TTF1: variants seen among roughly 807,000 people sequenced by gnomAD.
TTF1 encodes the protein transcription termination factor, RNA polymerase I.
In TTF1, 64 loss-of-function variants were observed where a neutral mutation model predicts 80.2. The ratio of observed to expected loss-of-function variants is 0.80; its 90% CI spans 0.65 to 0.98. TTF1 has a LOEUF of 0.98. Among genes scored for constraint, TTF1 ranks in the 50% least tolerant of loss-of-function variants. The pLI, the probability that TTF1 is intolerant of heterozygous loss-of-function variation, is 0.00. For missense variants in TTF1, 1,023 were observed against 1,086.2 expected (o/e 0.94, Z 0.82); for synonymous variants, 372 against 382.7 (o/e 0.97, Z 0.33).
chr9:132,406,178 A>G (rs1849862593), intron 1 of TTF1, among the ~76,000 whole-genome samples: 2 of 151,984 alleles, frequency 1.3e-5, no homozygotes, highest in Admixed American at 1.3e-4. Flanking sequence ...TACGTGCCCA[A>G]ACCTGGTCCC....
Position 132,402,843 on chromosome 9 carries a change from GACA to G in TTF1, c.-7-18_-7-16del. The G allele has an allele frequency of 3.2e-6, 5 of 1,552,928 alleles. No individual in the cohort carries two copies. The highest frequency in any genetic ancestry group is 4.3e-6 in the Non-Finnish European group (5 of 1,157,946). On this transcript the variant is annotated splice_polypyrimidine_tract_variant and intron_variant, in intron 1 of 10. Transcript: ENST00000334270. ...CCATTTTATTCCTATATGGAAATGT[GACA>G]ACAATGGTTTATTTTTGCTTTTTTT...
intron 5 of TTF1, among the ~76,000 whole-genome samples, chr9:132,395,187 A>G (rs1432274498): frequency 6.6e-6 from 1 of 152,162 alleles, no homozygotes; most frequent in Admixed American, 6.5e-5. Context: ...CTGAGACTCC[A>G]TTTCAAAAAA....
At chr9:132,387,609 C>T (rs371403950) in intron 8 of TTF1, among the ~76,000 whole-genome samples, 1 of 152,248 alleles carries the variant, frequency 6.6e-6, no homozygotes. Context: ...TCCTGTTCCT[C>T]AGTCGACATG....
chr9:132,386,205 A>T (rs1278813315), intron 9 of TTF1, among the ~76,000 whole-genome samples: 1 of 152,186 alleles, frequency 6.6e-6, no homozygotes, highest in African/African-American at 2.4e-5. Flanking sequence ...CATAGGTATT[A>T]TGCTCTAGCT....
At position 132,388,002 on chromosome 9, in the gene TTF1, T is replaced by G. The variant is rs151218976; in HGVS notation, c.2312+137A>C. The G allele has an allele frequency of 1.5e-4, 91 of 587,446 alleles. No individual in the cohort carries two copies. In the African/African-American group the frequency reaches 1.6e-3, roughly 10 times the overall value. 36.4% of individuals were successfully genotyped at this position (587,446 alleles called of 1,614,324 possible). On this transcript the variant is annotated intron_variant, in intron 8 of 10. Coordinates refer to ENST00000334270, the MANE Select transcript of TTF1 (RefSeq NM_007344.4). ...CTGAGACTTAGAAGGGTAGGTCATA[T>G]GCCCACAATACATGCGGAAAGTGCT...
chr9:132,386,502 T>A (rs1176286651), intron 9 of TTF1, 54 bp downstream of exon 9: 1 of 1,360,230 alleles, frequency 7.4e-7, no homozygotes, highest in Non-Finnish European at 1.0e-6. Context: ...GTTATTGTAT[T>A]TATTAAGTCA....
intron 1 of TTF1, among the ~76,000 whole-genome samples, chr9:132,403,474 C>A (rs1263904153): frequency 2.0e-5 from 3 of 152,014 alleles, no homozygotes; most frequent in Non-Finnish European, 2.9e-5. Flanking sequence ...CTTTCCCCCC[C>A]AGCTCTCCAT....
intron 1 of TTF1, 40 bp from the exon 2 acceptor site, chr9:132,402,868 T>C (rs750862937): frequency 1.3e-6 from 2 of 1,525,932 alleles, no homozygotes; most frequent in South Asian, 1.3e-5. Flanking sequence ...TTTTTGCTTT[T>C]TTTTTGAGAC....
chr9:132,397,713 G>A (rs1004486969), intron 4 of TTF1, among the ~76,000 whole-genome samples: 2 of 152,226 alleles, frequency 1.3e-5, no homozygotes. Flanking sequence ...AGGGCTGGGC[G>A]CGGTGGCTCA....
Position 132,384,211 on chromosome 9 carries a change from A to G in TTF1, c.2378+2345T>C, listed in dbSNP as rs1359584718. Among the ~76,000 whole-genome samples the G allele has an allele frequency of 6.6e-6, 1 of 152,310 alleles. No individual in the cohort carries two copies. Among genetic ancestry groups the G allele is most frequent in the East Asian group, 1.9e-4 (1 of 5,184 alleles). On this transcript the variant is annotated intron_variant, in intron 9 of 10. Coordinates refer to ENST00000334270, the MANE Select transcript of TTF1 (RefSeq NM_007344.4). The surrounding 1 kb of genome is among the most constrained non-coding windows in gnomAD (Gnocchi z 4.1). ...GTATCTGTCTAAAATTTTCCTAATA[A>G]AGTTTCTGAAAAAAATAATTGGGCA... is the stretch of plus-strand genomic sequence containing the variant.
At chr9:132,377,903 AGTGCATGTGTGT>A (rs1849256559) in intron 10 of TTF1, among the ~76,000 whole-genome samples, 2 of 89,904 alleles carry the variant, frequency 2.2e-5, no homozygotes, top group African/African-American at 4.8e-5. Flanking sequence ...ATGTGGTGTG[AGTGCATGTGTGT>A]GTGAGTGCAT....
Position 132,384,226 on chromosome 9 carries a change from AT to A in TTF1, c.2378+2329del, listed in dbSNP as rs543214864. On this transcript the variant is annotated intron_variant, in intron 9 of 10. Coordinates refer to ENST00000334270, the MANE Select transcript of TTF1 (RefSeq NM_007344.4). The surrounding 1 kb of genome is among the most constrained non-coding windows in gnomAD (Gnocchi z 4.1). ...TTTCCTAATAAAGTTTCTGAAAAAAATAATTGGGCATTGCTAATAAAGCAGT... is the reference window on the plus strand; with the variant it reads ...TTTCCTAATAAAGTTTCTGAAAAAAAAATTGGGCATTGCTAATAAAGCAGT... 1.1e-3 allele frequency among the ~76,000 whole-genome samples: 162 copies of A among 152,326 alleles called. 1 individual carries two copies. The highest frequency in any genetic ancestry group is 2.0e-3 in the Non-Finnish European group (136 of 68,042).
chr9:132,394,413 G>A (rs972253856), intron 5 of TTF1, among the ~76,000 whole-genome samples: 2 of 151,926 alleles, frequency 1.3e-5, no homozygotes, highest in Non-Finnish European at 2.9e-5. Flanking sequence ...CCAAGTAGCT[G>A]GGATTATAAG....
In TTF1 at chr9:132,400,229, A is replaced by G. The variant is rs764347084; in HGVS notation, c.1397T>C (p.Val466Ala). Residue 466 changes from valine (V) to alanine (A), a missense_variant, in exon 3 of 11, where the codon GTG (valine) becomes GCG (alanine). Physicochemically the swap from Val to Ala is moderately conservative, Grantham distance 64. Coordinates refer to ENST00000334270, the MANE Select transcript of TTF1 (RefSeq NM_007344.4). ...TATTTCGGAATCTTCAGCTGTTTCC[A>G]CATTGTGTTCTTCATTTGCAGGTTC... ...RLEPANEEHN[V>A]ETAEDSEIRY... 6.2e-7 allele frequency: 1 copy of G among 1,614,180 alleles called. No individual in the cohort carries two copies. Among genetic ancestry groups the G allele is most frequent in the South Asian group, 1.1e-5 (1 of 91,080 alleles).
At chr9:132,376,232 G>A in intron 10 of TTF1, 64 bp from the exon 11 acceptor site, 2 of 1,513,376 alleles carry the variant, frequency 1.3e-6, no homozygotes, top group Non-Finnish European at 1.8e-6. Flanking sequence ...CAAGGTCGAG[G>A]CATACAGGAG....
chr9:132,394,883 A>G (rs1849618401), intron 5 of TTF1, among the ~76,000 whole-genome samples: 1 of 141,420 alleles, frequency 7.1e-6, no homozygotes, highest in Non-Finnish European at 1.5e-5. Context: ...ACAGAGGGAG[A>G]CCCTGTTCCA....
chr9:132,375,965 G>A lies in TTF1; in HGVS notation c.2668C>T (p.His890Tyr). ...CCCAAAGTACTGGAATTACAGGCGT[G>A]AGCCATGCATGGCGCCTGGCCTTCG... ...ESEGQAPCMA[H>Y]ACNSSTLGGQ... The change falls in exon 11 of 11, where the codon CAC becomes TAC. Residue 890 changes from histidine (H) to tyrosine (Y), a missense_variant. Coordinates refer to ENST00000334270, the MANE Select transcript of TTF1 (RefSeq NM_007344.4). 2 of 1,611,708 alleles carry A rather than the reference G, an allele frequency of 1.2e-6. No homozygotes were observed. Among genetic ancestry groups the A allele is most frequent in the South Asian group, 1.1e-5 (1 of 90,898 alleles).
intron 6 of TTF1, 146 bp downstream of exon 6, chr9:132,391,930 A>C (rs547324444): frequency 3.0e-6 from 4 of 1,353,360 alleles, no homozygotes; most frequent in Non-Finnish European, 3.9e-6. Context: ...AAACCAAACA[A>C]ATTAGTATAG....
intron 9 of TTF1, among the ~76,000 whole-genome samples, chr9:132,382,399 G>A (rs1849384315): frequency 6.6e-6 from 1 of 152,176 alleles, no homozygotes; most frequent in East Asian, 1.9e-4. Flanking sequence ...GGCAGATGCT[G>A]CCTTAGCTAA....
Sources: allele counts gnomAD v4.1 joint callset (sites outside exome capture counted in the v4.1 genomes callset), GRCh38; gene constraint gnomAD v4.1.1; non-coding constraint Gnocchi (gnomAD v3.1); transcripts MANE v1.5; gene names NCBI Gene and HGNC (gene_info 2026-07-23, HGNC 2026-07-21).